Variants in MCTP2 observed in about 807,000 individuals in gnomAD.
MCTP2 encodes the protein multiple C2 and transmembrane domain-containing protein 2.
MCTP2 carries 132 observed loss-of-function variants against 111.6 expected under a neutral mutation model. That is an observed-to-expected ratio of 1.18 (90% confidence interval 1.03 to 1.37). MCTP2 has a LOEUF of 1.37. MCTP2 is among the 40% of genes most tolerant of loss of function. The pLI is 0.00. For missense variants in MCTP2, 1,183 were observed against 1,067.9 expected, an observed-to-expected ratio of 1.11 and a Z score of -1.50; for synonymous variants, 395 against 387.7, an observed-to-expected ratio of 1.02 and a Z score of -0.22.
chr15:94,340,754 G>A, intron 6 of MCTP2, 59 bp from the exon 7 acceptor site: 1 of 1,037,762 alleles, frequency 9.6e-7, no homozygotes, highest in South Asian at 1.4e-5. Context: ...CCTGATGCGT[G>A]TAGGTCAATA....
chr15:94,261,519 G>T (rs1422328216), intron 1 of MCTP2, among the ~76,000 whole-genome samples: 9 of 152,292 alleles, frequency 5.9e-5, no homozygotes, highest in African/African-American at 2.2e-4. Flanking sequence ...CTTGCAGGAT[G>T]CTTCTGAGTA....
intron 13 of MCTP2, among the ~76,000 whole-genome samples, chr15:94,384,593 T>C (rs7170031): frequency 0.58 from 87,503 of 152,030 alleles, 28,607 homozygotes; most frequent in African/African-American, 0.88. Context: ...CTATCAAACC[T>C]GGGCATTTAG....
intron 19 of MCTP2, among the ~76,000 whole-genome samples, chr15:94,454,787 T>G (rs2084701729): frequency 6.6e-6 from 1 of 152,194 alleles, no homozygotes; most frequent in Non-Finnish European, 1.5e-5. Context: ...ATGTTATGTA[T>G]GATTCAGTTT....
In MCTP2 at chr15:94,401,912, G is replaced by C. The variant is rs1210097712; in HGVS notation, c.1978G>C (p.Asp660His). ...RKLSKKILSR[D>H]VDRVKRITMA... ...TTTTTAAAATCAGATCTTATCAAGA[G>C]ATGTGGACCGTGTGAAAAGAATCAC... The change falls in exon 17 of 23, where the codon GAT becomes CAT. Residue 660 changes from aspartate (D) to histidine (H), a missense_variant. By Grantham distance (81) the Asp-to-His change is moderately conservative. Coordinates refer to ENST00000357742, the MANE Select transcript of MCTP2 (RefSeq NM_001385001.1). 6.2e-7 allele frequency: 1 copy of C among 1,611,740 alleles called. No individual in the cohort carries two copies. Among genetic ancestry groups the C allele is most frequent in the South Asian group, 1.1e-5 (1 of 90,670 alleles).
In MCTP2 at chr15:94,473,981, TCATTCCA is replaced by T. The variant is rs529463739; in HGVS notation, c.2471-2706_2471-2700del. ...ATTTTTTTTTTTTAAACTGTAGGGC[TCATTCCA>T]CATTCCACCCCACTGATCAATTCAA... On this transcript the variant is annotated intron_variant, in intron 21 of 22. Transcript: ENST00000357742. Among the ~76,000 whole-genome samples, 441 of 152,178 alleles carry T rather than the reference TCATTCCA, an allele frequency of 2.9e-3. 1 individual carries two copies. Among genetic ancestry groups the T allele is most frequent in the Non-Finnish European group, 4.7e-3 (320 of 68,012 alleles).
chr15:94,249,838 G>T (rs1402096989), intron 1 of MCTP2, among the ~76,000 whole-genome samples: 1 of 152,024 alleles, frequency 6.6e-6, no homozygotes, highest in Admixed American at 6.6e-5. Flanking sequence ...GTTGATCTGA[G>T]CTGGTCACCA....
chr15:94,452,876 C>T (rs151217737), intron 19 of MCTP2, among the ~76,000 whole-genome samples: 9 of 152,314 alleles, frequency 5.9e-5, no homozygotes, highest in African/African-American at 9.6e-5. Flanking sequence ...TACCTGAGCT[C>T]AGATGGAAAT....
At chr15:94,417,684 T>A (rs1051510550) in intron 17 of MCTP2, among the ~76,000 whole-genome samples, 1 of 152,120 alleles carries the variant, frequency 6.6e-6, no homozygotes, top group African/African-American at 2.4e-5. Flanking sequence ...CGTTCTTGTT[T>A]TTAGTGGCAA....
At chr15:94,294,940 CCTTTT>C (rs1567343563) in intron 1 of MCTP2, among the ~76,000 whole-genome samples, 1 of 111,514 alleles carries the variant, frequency 9.0e-6, no homozygotes, top group Admixed American at 1.1e-4. Flanking sequence ...CTTTTCTTTT[CCTTTT>C]TTTTTTTTTT....
intron 19 of MCTP2, among the ~76,000 whole-genome samples, chr15:94,450,063 T>C (rs1250606868): frequency 6.6e-6 from 1 of 152,142 alleles, no homozygotes; most frequent in Admixed American, 6.6e-5. Flanking sequence ...GTATTCCTTT[T>C]ACTTTTTCAA....
chr15:94,466,158 A>G (rs1269129399), intron 20 of MCTP2, among the ~76,000 whole-genome samples: 1 of 152,000 alleles, frequency 6.6e-6, no homozygotes, highest in East Asian at 1.9e-4. Flanking sequence ...CATCTCTTAC[A>G]TGATTTTTAA....
Position 94,340,201 on chromosome 15 carries a change from A to G in MCTP2, c.783A>G (p.Val261=), listed in dbSNP as rs554980370. Residue 261 remains valine (V), a splice_region_variant and synonymous_variant, in exon 6 of 23, where the codon GTA becomes GTG. Coordinates refer to ENST00000357742, the MANE Select transcript of MCTP2 (RefSeq NM_001385001.1). ...QSLDQKLRVK[V]YDRDLTTSDF... The stretch of plus-strand genomic sequence containing the variant: ...ATTGACCTCTGTCCTCTTTGTAGGT[A>G]TATGATCGAGATTTAACCACATCTG... The G allele has an allele frequency of 1.1e-4, 171 of 1,610,292 alleles. No individual in the cohort carries two copies. In the South Asian group the frequency reaches 1.8e-3, roughly 17 times the overall value.
chr15:94,441,497 G>C (rs894040821), intron 18 of MCTP2, among the ~76,000 whole-genome samples: 2 of 152,124 alleles, frequency 1.3e-5, no homozygotes, highest in Admixed American at 1.3e-4. Flanking sequence ...GTGTATATAT[G>C]TTTATAGTAT....
chr15:94,332,265 C>A (rs796825417), intron 4 of MCTP2, among the ~76,000 whole-genome samples: 58 of 134,626 alleles, frequency 4.3e-4, no homozygotes, highest in African/African-American at 1.5e-3. Flanking sequence ...TTAGAAACAA[C>A]GTTTTTATTT....
chr15:94,354,299 T>A (rs1422850804), intron 8 of MCTP2, among the ~76,000 whole-genome samples: 1 of 152,150 alleles, frequency 6.6e-6, no homozygotes, highest in Admixed American at 6.5e-5. Flanking sequence ...TGGTTAGACT[T>A]TGTGTCCCCA....
At chr15:94,402,872 G>C in intron 17 of MCTP2, 1 of 1,148,036 alleles carries the variant, frequency 8.7e-7, no homozygotes, top group Non-Finnish European at 1.1e-6. Flanking sequence ...GTGAATATCA[G>C]TCATGATCAT....
chr15:94,361,084 GTTTTTTTTTTTT>G (rs67774490), intron 10 of MCTP2, among the ~76,000 whole-genome samples: 149 of 8,434 alleles, frequency 0.018, 6 homozygotes, highest in African/African-American at 0.03. Context: ...AATATTTCAA[GTTTTTTTTTTTT>G]TTTTTTTTTT....
At chr15:94,374,112 A>T (rs1182964258) in intron 12 of MCTP2, among the ~76,000 whole-genome samples, 2 of 152,236 alleles carry the variant, frequency 1.3e-5, no homozygotes, top group Non-Finnish European at 2.9e-5. Context: ...TCATACCTAC[A>T]GTAGAGGCCC....
At position 94,480,412 on chromosome 15, in the gene MCTP2, G is replaced by A. The variant is rs755145611; in HGVS notation, c.*1378G>A. The A allele has an allele frequency of 1.3e-5, 2 of 151,358 alleles. No individual in the cohort carries two copies. Among genetic ancestry groups the A allele is most frequent in the East Asian group, 1.9e-4 (1 of 5,180 alleles). 9.4% of individuals were successfully genotyped at this position (151,358 alleles called of 1,614,324 possible). On this transcript the variant is annotated 3_prime_UTR_variant, in exon 23 of 23. Coordinates refer to ENST00000357742, the MANE Select transcript of MCTP2 (RefSeq NM_001385001.1). Reference sequence around the variant, plus strand: ...CAAAGATTCTAAATCTTATCATCCCGTGTCTGTTTTTCTTCATGTTGTATC... The same window carrying A: ...CAAAGATTCTAAATCTTATCATCCCATGTCTGTTTTTCTTCATGTTGTATC...
Sources: gnomAD v4.1 joint callset for allele counts (sites outside exome capture counted in the v4.1 genomes callset) on GRCh38, gnomAD v4.1.1 for gene constraint, MANE v1.5 for transcripts, NCBI Gene and HGNC (gene_info 2026-07-23, HGNC 2026-07-21) for gene names.